Variants in HS3ST4 observed in about 807,000 individuals in gnomAD.
HS3ST4 encodes the protein heparan sulfate glucosamine 3-O-sulfotransferase 4.
HS3ST4 carries 17 observed loss-of-function variants against 29.2 expected under a neutral mutation model. The ratio of observed to expected loss-of-function variants is 0.58; its 90% CI spans 0.40 to 0.87. HS3ST4 has a LOEUF of 0.87. Among genes scored for constraint, HS3ST4 ranks in the 40% least tolerant of loss-of-function variants. The pLI is 0.00. For synonymous variants in HS3ST4, 314 were observed against 285.7 expected, an observed-to-expected ratio of 1.10 and a Z score of -1.00; for missense variants, 627 against 634.5, an observed-to-expected ratio of 0.99 and a Z score of 0.13.
intron 1 of HS3ST4, among the ~76,000 whole-genome samples, chr16:25,981,555 T>C (rs537081786): frequency 6.6e-6 from 1 of 150,980 alleles, no homozygotes; most frequent in Non-Finnish European, 1.5e-5. Flanking sequence ...AGATTATTAA[T>C]CACACCTGGA....
At chr16:25,792,698 C>T (rs1266684696) in intron 1 of HS3ST4, among the ~76,000 whole-genome samples, 3 of 149,928 alleles carry the variant, frequency 2.0e-5, no homozygotes, top group Non-Finnish European at 4.5e-5. Context: ...TTTTCTTGAC[C>T]AGTTTTGTTA....
At chr16:25,937,129 T>A (rs1968524704) in intron 1 of HS3ST4, among the ~76,000 whole-genome samples, 1 of 152,094 alleles carries the variant, frequency 6.6e-6, no homozygotes, top group South Asian at 2.1e-4. Context: ...TTCTGGGACT[T>A]TTTCTTTTTT....
chr16:25,916,239 C>T (rs534690495), intron 1 of HS3ST4, among the ~76,000 whole-genome samples: 17 of 152,324 alleles, frequency 1.1e-4, no homozygotes, highest in Admixed American at 2.0e-4. Context: ...TATTCAACTA[C>T]GTCATGCTCT....
At chr16:25,793,555 C>A (rs1475408384) in intron 1 of HS3ST4, among the ~76,000 whole-genome samples, 1 of 151,932 alleles carries the variant, frequency 6.6e-6, no homozygotes, top group Non-Finnish European at 1.5e-5. Flanking sequence ...AATTATGTTT[C>A]TTGCCTTAAA....
intron 1 of HS3ST4, among the ~76,000 whole-genome samples, chr16:25,772,869 A>T (rs1479131123): frequency 6.6e-6 from 1 of 152,188 alleles, no homozygotes; most frequent in Non-Finnish European, 1.5e-5. Context: ...ACGTCGAGAG[A>T]TGGAGAAACG....
At chr16:26,071,335 T>C (rs1258235173) in intron 1 of HS3ST4, among the ~76,000 whole-genome samples, 2 of 151,602 alleles carry the variant, frequency 1.3e-5, no homozygotes, top group Non-Finnish European at 2.9e-5. Flanking sequence ...GGGTGCGGGG[T>C]TGTGGTGAAA....
At chr16:25,908,714 A>C (rs182220014) in intron 1 of HS3ST4, among the ~76,000 whole-genome samples, 4 of 152,300 alleles carry the variant, frequency 2.6e-5, no homozygotes, top group Non-Finnish European at 1.5e-5. Context: ...AACAATGTTC[A>C]ATGGCAAGAG....
intron 1 of HS3ST4, among the ~76,000 whole-genome samples, chr16:26,075,919 A>G (rs1177236395): frequency 6.6e-6 from 1 of 152,196 alleles, no homozygotes; most frequent in Non-Finnish European, 1.5e-5. Flanking sequence ...TGAAGCTTAT[A>G]TATTGTCAAC....
chr16:25,864,185 T>C (rs754478292), intron 1 of HS3ST4, among the ~76,000 whole-genome samples: 1 of 152,214 alleles, frequency 6.6e-6, no homozygotes, highest in Non-Finnish European at 1.5e-5. Context: ...TAAGGAAAAA[T>C]TAACAAATAA....
chr16:25,963,848 A>G (rs981305063), intron 1 of HS3ST4, among the ~76,000 whole-genome samples: 1 of 152,174 alleles, frequency 6.6e-6, no homozygotes, highest in South Asian at 2.1e-4. Context: ...GGACCATTCA[A>G]TATAACAAAA....
chr16:26,041,313 T>C (rs1969634285), intron 1 of HS3ST4, among the ~76,000 whole-genome samples: 1 of 152,042 alleles, frequency 6.6e-6, no homozygotes, highest in African/African-American at 2.4e-5. Context: ...GCACTCCAGC[T>C]TGGGCAACAG....
intron 1 of HS3ST4, among the ~76,000 whole-genome samples, chr16:25,744,553 T>TATCATC (rs34486910): frequency 2.7e-4 from 41 of 151,462 alleles, no homozygotes; most frequent in South Asian, 4.2e-4. Context: ...GTCATTTTTC[T>TATCATC]ATCATCATCA....
Position 25,904,095 on chromosome 16 carries a change from AATGAATGG to A in HS3ST4, c.734+210956_734+210963del, listed in dbSNP as rs1451825890. ...GAATAGATGGATGGATGCATGGATG[AATGAATGG>A]ATGAATGGATGGATGGATGGATGGA... is the stretch of plus-strand genomic sequence containing the variant. On this transcript the variant is annotated intron_variant, in intron 1 of 1. Transcript: ENST00000331351. Among the ~76,000 whole-genome samples the A allele has an allele frequency of 1.6e-3, 239 of 146,970 alleles. 1 individual carries two copies. The highest frequency in any genetic ancestry group is 3.5e-3 in the Middle Eastern group (1 of 284).
At chr16:25,708,046 T>C (rs1966387983) in intron 1 of HS3ST4, among the ~76,000 whole-genome samples, 2 of 152,224 alleles carry the variant, frequency 1.3e-5, no homozygotes, top group Non-Finnish European at 2.9e-5. Context: ...TCCTGTTTTT[T>C]AATTCCCCTA....
intron 1 of HS3ST4, among the ~76,000 whole-genome samples, chr16:25,908,617 A>G (rs192088454): frequency 3.3e-5 from 5 of 152,350 alleles, no homozygotes; most frequent in Non-Finnish European, 7.3e-5. Context: ...GGCATCAGGA[A>G]TGAGCCAGGA....
chr16:26,131,978 C>A (rs1173768743), intron 1 of HS3ST4, among the ~76,000 whole-genome samples: 1 of 152,146 alleles, frequency 6.6e-6, no homozygotes, highest in Non-Finnish European at 1.5e-5. Flanking sequence ...CTTAGTGAGA[C>A]CTTGGAACAA....
intron 1 of HS3ST4, among the ~76,000 whole-genome samples, chr16:25,928,931 C>T (rs1968436959): frequency 1.3e-5 from 2 of 152,146 alleles, no homozygotes; most frequent in Admixed American, 6.5e-5. Flanking sequence ...TGTATCTGAG[C>T]ATGGGAACTG....
intron 1 of HS3ST4, among the ~76,000 whole-genome samples, chr16:26,087,563 C>A (rs1185612187): frequency 6.6e-6 from 1 of 152,112 alleles, no homozygotes; most frequent in Non-Finnish European, 1.5e-5. Flanking sequence ...GCTCTGAAAT[C>A]TTTCCATTTC....
At chr16:25,834,076 A>G (rs1967333962) in intron 1 of HS3ST4, among the ~76,000 whole-genome samples, 1 of 152,248 alleles carries the variant, frequency 6.6e-6, no homozygotes, top group African/African-American at 2.4e-5. Context: ...CAAAATGGGA[A>G]CACATAACAT....
Sources: gnomAD v4.1 joint callset for allele counts (sites outside exome capture counted in the v4.1 genomes callset) on GRCh38, gnomAD v4.1.1 for gene constraint, MANE v1.5 for transcripts, NCBI Gene and HGNC (gene_info 2026-07-23, HGNC 2026-07-21) for gene names.